RNASE10: variants seen among roughly 807,000 people sequenced by gnomAD.
The protein encoded by RNASE10 is ribonuclease A family member 10 (inactive), also known as inactive ribonuclease-like protein 10.
A neutral mutation model predicts 1.1 loss-of-function variants in RNASE10; 2 were observed. The observed-to-expected ratio is 1.82, with a 90% CI of 0.74 to 5.73. RNASE10 has a LOEUF of 5.73. RNASE10 is among the 30% of genes most tolerant of loss of function. The pLI is 0.05. For missense variants in RNASE10, 276 were observed against 263.4 expected (o/e 1.05, Z -0.33); for synonymous variants, 97 against 96.2 (o/e 1.01, Z -0.05).
intron 1 of RNASE10, among the ~76,000 whole-genome samples, chr14:20,506,984 G>A (rs1387887152): frequency 1.4e-5 from 2 of 143,334 alleles, no homozygotes; most frequent in African/African-American, 2.7e-5. Context: ...GTCCGGGAGG[G>A]AGGTGGTGGG....
At chr14:20,513,443 A>C (rs528167576), downstream of RNASE10, among the ~76,000 whole-genome samples, 2 of 152,252 alleles carry the variant, frequency 1.3e-5, no homozygotes, top group East Asian at 3.9e-4. Context: ...CGAGTCTTCT[A>C]ATTCCAATGT....
At chr14:20,504,680 T>C (rs187189117), upstream of RNASE10, among the ~76,000 whole-genome samples, 2 of 60,234 alleles carry the variant, frequency 3.3e-5, no homozygotes, top group Middle Eastern at 7.7e-3. Flanking sequence ...AGAGAGAGAC[T>C]CCGTCTCAAA....
chr14:20,507,715 T>G (rs28797560), intron 1 of RNASE10, among the ~76,000 whole-genome samples: 42,317 of 149,022 alleles, frequency 0.28, 6,311 homozygotes, highest in African/African-American at 0.32. Context: ...CATTATTTTT[T>G]TAAACTTCCC....
At chr14:20,511,189 C>T, downstream of RNASE10, 2 of 1,223,600 alleles carry the variant, frequency 1.6e-6, no homozygotes, top group Non-Finnish European at 2.2e-6. Context: ...TCTTCTTTCT[C>T]ATATAGTTCT....
intron 1 of RNASE10, among the ~76,000 whole-genome samples, 196 bp downstream of exon 1, chr14:20,506,215 C>T (rs1357962916): frequency 7.3e-6 from 1 of 136,822 alleles, no homozygotes; most frequent in Non-Finnish European, 1.6e-5. Context: ...CGGCCAGCCG[C>T]CCCGTCCGGG....
chr14:20,509,746 G>T (rs1266208342), intron 1 of RNASE10, among the ~76,000 whole-genome samples: 3 of 152,100 alleles, frequency 2.0e-5, no homozygotes, highest in Admixed American at 6.5e-5. Flanking sequence ...CTTTCTACAA[G>T]AATTTCCCTA....
Position 20,510,935 on chromosome 14 carries a change from C to T in RNASE10, c.548C>T (p.Pro183Leu), listed in dbSNP as rs1484882436. The T allele has an allele frequency of 6.2e-7, 1 of 1,610,178 alleles. No individual in the cohort carries two copies. The highest frequency in any genetic ancestry group is 8.5e-7 in the Non-Finnish European group (1 of 1,177,018). ...ACAGTCAAAGCTGTCTGTAACAGTC[C>T]TGTCATTGCCTGTGAGCTCAAGGGG... Residue 183 changes from proline to leucine, a missense_variant, in exon 2 of 2, where the codon CCT (proline) becomes CTT (leucine). Coordinates refer to ENST00000430083, the Ensembl canonical transcript of RNASE10.
upstream of RNASE10, among the ~76,000 whole-genome samples, chr14:20,504,849 T>C (rs1882650268): frequency 6.6e-6 from 1 of 151,912 alleles, no homozygotes; most frequent in African/African-American, 2.4e-5. Flanking sequence ...CACCAGCTCC[T>C]GAGGCCAACG....
intron 1 of RNASE10, among the ~76,000 whole-genome samples, chr14:20,506,439 AG>A (rs1363696715): frequency 1.5e-4 from 10 of 67,116 alleles, no homozygotes; most frequent in South Asian, 5.9e-4. Flanking sequence ...GGGAGGGGGG[AG>A]GGGGGGTCAG....
At chr14:20,510,382 T>C in intron 1 of RNASE10, 85 bp from the exon 2 acceptor site, 3 of 1,524,570 alleles carry the variant, frequency 2.0e-6, no homozygotes, top group East Asian at 2.3e-5. Flanking sequence ...GATACAATGC[T>C]GTAGGGCTTA....
At position 20,510,579 on chromosome 14, in the gene RNASE10, G is replaced by T. The variant is rs74037153; in HGVS notation, c.192G>T (p.Glu64Asp). 5,998 of 1,614,206 alleles carry T rather than the reference G, an allele frequency of 3.7e-3. 157 individuals are homozygous for T. In the African/African-American group the frequency reaches 0.054, roughly 15 times the overall value. The stretch of plus-strand genomic sequence containing the variant: ...ATATGGCTACAGCAGTCTTGGAGGA[G>T]AGTGATCAACCGCTCAATGAATTTT... Residue 64 changes from glutamate (E) to aspartate (D), a missense_variant, in exon 2 of 2, where the codon GAG (glutamate) becomes GAT (aspartate). Coordinates refer to ENST00000430083, the Ensembl canonical transcript of RNASE10.
At chr14:20,504,520 T>C (rs1327258059), upstream of RNASE10, among the ~76,000 whole-genome samples, 2 of 151,078 alleles carry the variant, frequency 1.3e-5, no homozygotes, top group Non-Finnish European at 2.9e-5. Context: ...ACCCCGTCTC[T>C]ACTAAAAAAT....
At chr14:20,513,470 T>G (rs1047702199), downstream of RNASE10, among the ~76,000 whole-genome samples, 1 of 152,190 alleles carries the variant, frequency 6.6e-6, no homozygotes, top group Non-Finnish European at 1.5e-5. Flanking sequence ...CTCTCTACAC[T>G]TCCAGGATCT....
chr14:20,506,733 C>A (rs1594439814), intron 1 of RNASE10, among the ~76,000 whole-genome samples: 4 of 131,430 alleles, frequency 3.0e-5, no homozygotes, highest in Admixed American at 7.3e-5. Flanking sequence ...AGCCCCCCGC[C>A]CGGCCAGCCG....
intron 1 of RNASE10, among the ~76,000 whole-genome samples, chr14:20,508,520 T>C (rs1428633940): frequency 6.6e-6 from 1 of 152,186 alleles, no homozygotes; most frequent in Non-Finnish European, 1.5e-5. Flanking sequence ...TCACAGTATC[T>C]CAGCGCCTGT....
intron 1 of RNASE10, among the ~76,000 whole-genome samples, chr14:20,509,054 C>T (rs1234186298): frequency 6.6e-6 from 1 of 152,058 alleles, no homozygotes; most frequent in Non-Finnish European, 1.5e-5. Flanking sequence ...GATGCATGCT[C>T]AGCTCTCCTT....
At chr14:20,513,731 T>G (rs1241766827), downstream of RNASE10, among the ~76,000 whole-genome samples, 1 of 152,252 alleles carries the variant, frequency 6.6e-6, no homozygotes, top group Non-Finnish European at 1.5e-5. Context: ...ATATATGATA[T>G]AAACATACAC....
At chr14:20,504,550 C>T (rs923271117), upstream of RNASE10, among the ~76,000 whole-genome samples, 14 of 150,606 alleles carry the variant, frequency 9.3e-5, no homozygotes, top group African/African-American at 2.4e-4. Context: ...TAGCCGGGCG[C>T]GGTGGCGGGC....
chr14:20,506,996 G>A (rs1460615351), intron 1 of RNASE10, among the ~76,000 whole-genome samples: 2,045 of 139,160 alleles, frequency 0.015, no homozygotes, highest in Middle Eastern at 0.029. Flanking sequence ...GGTGGTGGGG[G>A]TCAGCCCCCC....
Sources: allele counts gnomAD v4.1 joint callset (sites outside exome capture counted in the v4.1 genomes callset), GRCh38; gene constraint gnomAD v4.1.1; transcripts MANE v1.5; gene names NCBI Gene and HGNC (gene_info 2026-07-23, HGNC 2026-07-21).